Variants in THSD4 observed in about 807,000 individuals in gnomAD.
THSD4 encodes the protein thrombospondin type 1 domain containing 4, also known as thrombospondin type-1 domain-containing protein 4.
In THSD4, 69 loss-of-function variants were observed where a neutral mutation model predicts 119.0. The observed-to-expected ratio is 0.58, with a 90% CI of 0.48 to 0.71. The LOEUF is 0.71. Ranked by LOEUF, THSD4 falls within the 30% of genes least tolerant of loss-of-function variation. The pLI is 0.00. For synonymous variants in THSD4, 524 were observed against 540.4 expected (o/e 0.97, Z 0.42); for missense variants, 1,393 against 1,391.1 (o/e 1.00, Z -0.02).
At chr15:71,538,285 T>C (rs915043121) in intron 7 of THSD4, among the ~76,000 whole-genome samples, 3 of 152,182 alleles carry the variant, frequency 2.0e-5, no homozygotes, top group African/African-American at 7.2e-5. Flanking sequence ...TATTTTGTCA[T>C]TGATATAAAT....
At chr15:71,711,960 A>C (rs1209080242) in intron 8 of THSD4, among the ~76,000 whole-genome samples, 1 of 152,194 alleles carries the variant, frequency 6.6e-6, no homozygotes, top group Non-Finnish European at 1.5e-5. Context: ...CAATGCTTGG[A>C]CACTTTAGTC....
At chr15:71,445,612 A>G (rs145295189) in intron 7 of THSD4, among the ~76,000 whole-genome samples, 13 of 152,322 alleles carry the variant, frequency 8.5e-5, no homozygotes, top group African/African-American at 3.1e-4. Flanking sequence ...GTTCCCCGTC[A>G]TCTTGATTGA....
chr15:71,326,921 G>A (rs8028708), intron 6 of THSD4, among the ~76,000 whole-genome samples: 119,289 of 149,686 alleles, frequency 0.8, 47,812 homozygotes, highest in East Asian at 0.88. Flanking sequence ...TAATCCTAGC[G>A]CTTTGGGAGG....
chr15:71,593,612 C>T (rs1456525092), intron 7 of THSD4, among the ~76,000 whole-genome samples: 1 of 151,886 alleles, frequency 6.6e-6, no homozygotes, highest in East Asian at 1.9e-4. Flanking sequence ...TTCTTACTAT[C>T]AGCTGGGGAA....
chr15:71,693,997 A>T (rs1040137680), intron 8 of THSD4, among the ~76,000 whole-genome samples: 6 of 151,160 alleles, frequency 4.0e-5, no homozygotes, highest in African/African-American at 1.2e-4. Context: ...CCTGGATGAC[A>T]GAGTGAGACC....
intron 7 of THSD4, among the ~76,000 whole-genome samples, chr15:71,609,535 C>T (rs1235480855): frequency 1.3e-5 from 2 of 152,052 alleles, no homozygotes; most frequent in Non-Finnish European, 1.5e-5. Flanking sequence ...CACTTGGGCA[C>T]ACATGGAGGG....
chr15:71,143,416 A>G (rs1596221842), intron 2 of THSD4, among the ~76,000 whole-genome samples: 1 of 152,158 alleles, frequency 6.6e-6, no homozygotes. Flanking sequence ...TTGTAGGACC[A>G]TGGCATTTTA....
chr15:71,480,983 C>G (rs942937016), intron 7 of THSD4, among the ~76,000 whole-genome samples: 11 of 152,134 alleles, frequency 7.2e-5, no homozygotes, highest in African/African-American at 2.7e-4. Flanking sequence ...GGTCCAATGT[C>G]AAATAGTATA....
chr15:71,302,502 G>A (rs2044965215), intron 6 of THSD4, among the ~76,000 whole-genome samples: 1 of 151,972 alleles, frequency 6.6e-6, no homozygotes, highest in South Asian at 2.1e-4. Context: ...TGCATGAGAT[G>A]TGGCCACACC....
At chr15:71,364,763 T>G (rs942637769) in intron 6 of THSD4, among the ~76,000 whole-genome samples, 1 of 152,244 alleles carries the variant, frequency 6.6e-6, no homozygotes, top group Non-Finnish European at 1.5e-5. Context: ...AGCCTTTGCA[T>G]AGCGCTGAGC....
chr15:71,729,738 C>T (rs570956825), intron 9 of THSD4: 1 of 152,128 alleles, frequency 6.6e-6, no homozygotes. Context: ...TGGAAGCCAA[C>T]AGCAATTTCA....
intron 8 of THSD4, among the ~76,000 whole-genome samples, chr15:71,685,921 G>T (rs2051899342): frequency 6.6e-6 from 1 of 152,106 alleles, no homozygotes; most frequent in Non-Finnish European, 1.5e-5. Context: ...CATACTTTCA[G>T]ATATACTTTT....
chr15:71,586,434 C>T lies in THSD4; in HGVS notation c.1153-74096C>T, dbSNP rs148825350. 3.8e-3 allele frequency among the ~76,000 whole-genome samples: 581 copies of T among 152,298 alleles called. 4 individuals carry two copies. Among genetic ancestry groups the T allele is most frequent in the African/African-American group, 0.013 (555 of 41,556 alleles). ...AGCTTGGAATATTTTTCTAAGCTCACTGGTTGTTGCCAGAATTCATTTCCT... is the reference window on the plus strand; with the variant it reads ...AGCTTGGAATATTTTTCTAAGCTCATTGGTTGTTGCCAGAATTCATTTCCT... On this transcript the variant is annotated intron_variant, in intron 7 of 17. Transcript: ENST00000261862.
At chr15:71,629,533 G>A (rs977934755) in intron 7 of THSD4, among the ~76,000 whole-genome samples, 5 of 152,054 alleles carry the variant, frequency 3.3e-5, no homozygotes, top group Admixed American at 1.3e-4. Context: ...CAGCTAAAGC[G>A]TCCTCCTCAG....
intron 2 of THSD4, among the ~76,000 whole-genome samples, chr15:71,143,337 T>G (rs1204877926): frequency 1.3e-5 from 2 of 152,016 alleles, no homozygotes; most frequent in African/African-American, 2.4e-5. Flanking sequence ...TGCATCTAGT[T>G]TGTGGAAGTT....
chr15:71,609,706 G>A (rs1391733139), intron 7 of THSD4, among the ~76,000 whole-genome samples: 7 of 152,150 alleles, frequency 4.6e-5, no homozygotes, highest in African/African-American at 1.7e-4. Flanking sequence ...CAAAAAATTA[G>A]CCGGGCATGG....
intron 1 of THSD4, among the ~76,000 whole-genome samples, chr15:71,121,417 G>A (rs762084990): frequency 5.9e-5 from 9 of 151,800 alleles, no homozygotes; most frequent in Non-Finnish European, 1.0e-4. Flanking sequence ...TCTCCTTTGG[G>A]AAGCACAGAA....
chr15:71,231,588 C>A (rs76246395), intron 4 of THSD4, among the ~76,000 whole-genome samples: 4 of 152,104 alleles, frequency 2.6e-5, no homozygotes, highest in Non-Finnish European at 5.9e-5. Context: ...CCATACCCCC[C>A]ATAAGCCTGT....
chr15:71,765,066 G>A lies in THSD4; in HGVS notation c.2636G>A (p.Cys879Tyr). The change falls in exon 16 of 18, where the codon TGT (cysteine) becomes TAT (tyrosine). Residue 879 changes from cysteine (C) to tyrosine (Y), a missense_variant. Physicochemically the swap from Cys to Tyr is radical, Grantham distance 194. Coordinates refer to ENST00000261862, the MANE Select transcript of THSD4 (RefSeq NM_024817.3). ...GSGTQQREVICVRKNADTFEV... is the reference protein window; with the variant it reads ...GSGTQQREVIYVRKNADTFEV... ...GGGACGCAACAGAGGGAGGTGATTT[G>A]TGTTAGAAAGAATGCAGACACCTTT... 6.2e-7 allele frequency: 1 copy of A among 1,614,244 alleles called. No individual in the cohort carries two copies. Among genetic ancestry groups the A allele is most frequent in the Non-Finnish European group, 8.5e-7 (1 of 1,180,048 alleles).
Sources: allele counts gnomAD v4.1 joint callset (sites outside exome capture counted in the v4.1 genomes callset), GRCh38; gene constraint gnomAD v4.1.1; transcripts MANE v1.5; gene names NCBI Gene and HGNC (gene_info 2026-07-23, HGNC 2026-07-21).